Variants in OCA2 observed in about 807,000 individuals in gnomAD.
OCA2 encodes P protein.
A neutral mutation model predicts 100.2 loss-of-function variants in OCA2; 77 were observed. The observed-to-expected ratio is 0.77, with a 90% confidence interval of 0.64 to 0.93. The LOEUF (loss-of-function observed/expected upper bound fraction) is 0.93. OCA2 is among the 40% of genes least tolerant of loss of function. OCA2 has a pLI of 0.00. For missense variants in OCA2, 1,062 were observed against 1,089.1 expected (o/e 0.98, Z 0.35); for synonymous variants, 432 against 439.2 (o/e 0.98, Z 0.21).
intron 19 of OCA2, chr15:27,896,113 C>T: frequency 9.1e-7 from 1 of 1,102,482 alleles, no homozygotes; most frequent in Non-Finnish European, 1.4e-6. Flanking sequence ...CAGCCAAGTG[C>T]CTTTACCTGC....
At chr15:27,756,084 C>T (rs2030344564) in intron 23 of OCA2, among the ~76,000 whole-genome samples, 1 of 152,206 alleles carries the variant, frequency 6.6e-6, no homozygotes, top group Admixed American at 6.5e-5. Flanking sequence ...TGTGCCTCCT[C>T]CAATGTACAC....
intron 2 of OCA2, among the ~76,000 whole-genome samples, chr15:28,052,193 C>T (rs763957628): frequency 6.6e-6 from 1 of 152,092 alleles, no homozygotes. Flanking sequence ...TAAACTCTGC[C>T]GTTGAACTCA....
intron 9 of OCA2, among the ~76,000 whole-genome samples, chr15:28,012,370 G>A (rs1433925956): frequency 1.3e-5 from 2 of 151,932 alleles, no homozygotes; most frequent in Non-Finnish European, 2.9e-5. Flanking sequence ...GATTGCCAGG[G>A]AACGGATGGG....
the OCA2 span, among the ~76,000 whole-genome samples, chr15:27,746,272 A>G: frequency 1.3e-5 from 2 of 152,168 alleles, no homozygotes; most frequent in Admixed American, 1.3e-4. Context: ...CCTGGCCAAC[A>G]TGGTGAAACC....
intron 19 of OCA2, among the ~76,000 whole-genome samples, chr15:27,917,261 C>CAA (rs1272310786): frequency 2.0e-5 from 3 of 152,026 alleles, no homozygotes; most frequent in Non-Finnish European, 4.4e-5. Context: ...ACATGGAGCT[C>CAA]AGTACTTCTA....
At chr15:27,874,601 G>A (rs1472977856) in intron 19 of OCA2, among the ~76,000 whole-genome samples, 4 of 152,108 alleles carry the variant, frequency 2.6e-5, no homozygotes, top group Non-Finnish European at 4.4e-5. Flanking sequence ...CCCCAAAACC[G>A]CATGGATGAG....
chr15:27,867,634 T>C (rs983378242), intron 21 of OCA2, among the ~76,000 whole-genome samples: 1 of 152,098 alleles, frequency 6.6e-6, no homozygotes, highest in South Asian at 2.1e-4. Context: ...ACAAAGTAAA[T>C]AATGCAAAAA....
chr15:28,040,373 A>G (rs2043167890), intron 2 of OCA2, among the ~76,000 whole-genome samples: 2 of 152,248 alleles, frequency 1.3e-5, no homozygotes, highest in South Asian at 2.1e-4. Flanking sequence ...TAAAAGGGAA[A>G]TTTATAGCTG....
At chr15:28,073,630 A>T (rs547311545) in intron 2 of OCA2, among the ~76,000 whole-genome samples, 3 of 152,324 alleles carry the variant, frequency 2.0e-5, no homozygotes, top group East Asian at 1.9e-4. Context: ...TTAAAAAAAT[A>T]AAAAACTACT....
At chr15:27,761,781 T>A (rs981405884) in intron 23 of OCA2, among the ~76,000 whole-genome samples, 1 of 152,172 alleles carries the variant, frequency 6.6e-6, no homozygotes, top group African/African-American at 2.4e-5. Flanking sequence ...CATGGATCAA[T>A]GGGCCAGAAC....
chr15:27,755,230 T>TA lies in OCA2; in HGVS notation c.*157dup, dbSNP rs761820687. ...ATGGTGTTCCAACATTCGCTTGAAT[T>TA]AGAGTGTTAGTGTCAAGGTCTATTC... On this transcript the variant is annotated 3_prime_UTR_variant, in exon 24 of 24. Coordinates refer to ENST00000354638, the MANE Select transcript of OCA2 (RefSeq NM_000275.3). 6 of 665,116 alleles carry TA rather than the reference T, an allele frequency of 9.0e-6. No individual in the cohort carries two copies. The highest frequency in any genetic ancestry group is 1.4e-5 in the Non-Finnish European group (5 of 358,164). 41.2% of individuals were successfully genotyped at this position (665,116 alleles called of 1,614,324 possible). A position where few individuals can be genotyped will look rare whatever the true frequency, so the allele number is the denominator to read the frequency against.
At chr15:27,893,214 A>T (rs1409428975) in intron 19 of OCA2, among the ~76,000 whole-genome samples, 1 of 152,236 alleles carries the variant, frequency 6.6e-6, no homozygotes, top group African/African-American at 2.4e-5. Context: ...TTCCTGAATA[A>T]TACTTTTATA....
chr15:27,833,320 C>G (rs992787068), intron 23 of OCA2, among the ~76,000 whole-genome samples: 1 of 152,188 alleles, frequency 6.6e-6, no homozygotes, highest in Non-Finnish European at 1.5e-5. Context: ...ACATGTGGAG[C>G]TGGCCACATT....
At chr15:27,960,019 C>T (rs2040357888) in intron 15 of OCA2, among the ~76,000 whole-genome samples, 1 of 152,184 alleles carries the variant, frequency 6.6e-6, no homozygotes, top group Admixed American at 6.6e-5. Flanking sequence ...CTCTGCACCT[C>T]CTCTGTCATT....
intron 2 of OCA2, 113 bp downstream of exon 2, chr15:28,081,535 T>A: frequency 9.9e-7 from 1 of 1,014,330 alleles, no homozygotes; most frequent in Non-Finnish European, 1.5e-6. Flanking sequence ...GCTGGAAAAA[T>A]TCTTGCAAAA....
At chr15:27,948,929 G>A (rs1258218142) in intron 18 of OCA2, among the ~76,000 whole-genome samples, 1 of 152,226 alleles carries the variant, frequency 6.6e-6, no homozygotes, top group Non-Finnish European at 1.5e-5. Context: ...GTCCTTGCCA[G>A]GACCGGGGGA....
chr15:27,751,861 G>T (rs538297637), downstream of OCA2, among the ~76,000 whole-genome samples: 1 of 152,352 alleles, frequency 6.6e-6, no homozygotes, highest in East Asian at 1.9e-4. Context: ...CCTTGGTGCA[G>T]GTTGAAGATC....
chr15:27,761,103 A>T (rs922003234), intron 23 of OCA2, among the ~76,000 whole-genome samples: 4 of 152,116 alleles, frequency 2.6e-5, no homozygotes, highest in Non-Finnish European at 5.9e-5. Flanking sequence ...AAGGCAAAAG[A>T]CACATAGACT....
the OCA2 span, among the ~76,000 whole-genome samples, chr15:27,740,361 G>A: frequency 4.5e-3 from 684 of 152,066 alleles, 3 homozygotes; most frequent in East Asian, 0.04. Context: ...CCCCGTGCCC[G>A]TCCTCCCAAT....
Sources: allele counts gnomAD v4.1 joint callset (sites outside exome capture counted in the v4.1 genomes callset), GRCh38; gene constraint gnomAD v4.1.1; transcripts MANE v1.5; gene names NCBI Gene and HGNC (gene_info 2026-07-23, HGNC 2026-07-21).